Variants in MDFIC2 observed in about 807,000 individuals in gnomAD.
MDFIC2 encodes the protein MyoD family inhibitor domain containing 2.
At chr3:70,212,409 G>T (rs1701360449) in intron 2 of MDFIC2, among the ~76,000 whole-genome samples, 1 of 152,042 alleles carries the variant, frequency 6.6e-6, no homozygotes, top group African/African-American at 2.4e-5. Flanking sequence ...AGTTCAATTT[G>T]TCTTTATTGT....
chr3:70,194,698 A>G lies in MDFIC2; in HGVS notation c.*2228T>C, dbSNP rs923830752. 1.3e-5 allele frequency among the ~76,000 whole-genome samples: 2 copies of G among 152,212 alleles called. No individual in the cohort carries two copies. Among genetic ancestry groups the G allele is most frequent in the African/African-American group, 4.8e-5 (2 of 41,460 alleles). On this transcript the variant is annotated 3_prime_UTR_variant, in exon 4 of 4. Coordinates refer to ENST00000567252, the MANE Select transcript of MDFIC2 (RefSeq NM_001364677.1). The stretch of plus-strand genomic sequence containing the variant: ...TATGTCTCTAATTGACAAGCATTCA[A>G]TTCACATTTGAAATGCACAATCTTT...
intron 2 of MDFIC2, among the ~76,000 whole-genome samples, chr3:70,278,791 T>C (rs1344439541): frequency 6.6e-6 from 1 of 152,032 alleles, no homozygotes; most frequent in Non-Finnish European, 1.5e-5. Context: ...ACAAAGTCAC[T>C]TATGTTTCCT....
At chr3:70,202,166 G>T (rs1006141310) in intron 3 of MDFIC2, among the ~76,000 whole-genome samples, 62 of 152,096 alleles carry the variant, frequency 4.1e-4, no homozygotes, top group Admixed American at 1.6e-3. Context: ...TGGTCTATCT[G>T]GTAATGGTTA....
At chr3:70,302,055 A>G (rs1042278185) in intron 2 of MDFIC2, among the ~76,000 whole-genome samples, 2 of 152,120 alleles carry the variant, frequency 1.3e-5, no homozygotes, top group Non-Finnish European at 2.9e-5. Context: ...CTGATGTCTT[A>G]TTTAATACTA....
At chr3:70,247,057 CTTTAG>C (rs1402281255) in intron 2 of MDFIC2, among the ~76,000 whole-genome samples, 7 of 150,930 alleles carry the variant, frequency 4.6e-5, no homozygotes, top group African/African-American at 1.7e-4. Context: ...ATTTTTTTTT[CTTTAG>C]TTTATTTTCC....
intron 2 of MDFIC2, among the ~76,000 whole-genome samples, chr3:70,261,286 C>T (rs1701863880): frequency 6.6e-6 from 1 of 152,154 alleles, no homozygotes; most frequent in East Asian, 1.9e-4. Flanking sequence ...AGAGTTAGTG[C>T]AGTGTGGCTT....
chr3:70,210,809 C>A (rs1307890408), intron 2 of MDFIC2, among the ~76,000 whole-genome samples: 1 of 151,936 alleles, frequency 6.6e-6, no homozygotes, highest in African/African-American at 2.4e-5. Context: ...GAATGTTAAA[C>A]AGTTTGGGCT....
intron 2 of MDFIC2, 89 bp downstream of exon 2, chr3:70,311,797 C>A (rs904299328): frequency 2.5e-6 from 1 of 392,934 alleles, no homozygotes; most frequent in Non-Finnish European, 4.5e-6. Flanking sequence ...ACGGTCAGGA[C>A]AATTTCCTCC....
chr3:70,232,192 G>T (rs1701565914), intron 2 of MDFIC2, among the ~76,000 whole-genome samples: 1 of 152,142 alleles, frequency 6.6e-6, no homozygotes. Flanking sequence ...ATATTGATCT[G>T]CTCTGTGAGG....
intron 2 of MDFIC2, among the ~76,000 whole-genome samples, chr3:70,230,347 T>A (rs1575602366): frequency 6.6e-6 from 1 of 152,174 alleles, no homozygotes; most frequent in Non-Finnish European, 1.5e-5. Flanking sequence ...TGCATAGCAA[T>A]AGAAATTTTT....
intron 2 of MDFIC2, among the ~76,000 whole-genome samples, chr3:70,210,205 T>G (rs1412353246): frequency 6.6e-6 from 1 of 152,136 alleles, no homozygotes; most frequent in Non-Finnish European, 1.5e-5. Context: ...AAGTATAGCA[T>G]TTTGAATGTA....
chr3:70,214,026 G>A (rs1056803860), intron 2 of MDFIC2, among the ~76,000 whole-genome samples: 26 of 152,042 alleles, frequency 1.7e-4, no homozygotes, highest in Non-Finnish European at 3.4e-4. Flanking sequence ...GGGTAATAAA[G>A]CTGAGTGGAT....
chr3:70,203,713 G>T (rs117040528), intron 3 of MDFIC2, among the ~76,000 whole-genome samples: 1 of 151,984 alleles, frequency 6.6e-6, no homozygotes, highest in South Asian at 2.1e-4. Context: ...ATTCTTTTGA[G>T]GTATCTTGTA....
At chr3:70,272,182 T>C (rs1448922291) in intron 2 of MDFIC2, 1 of 152,200 alleles carries the variant, frequency 6.6e-6, no homozygotes, top group African/African-American at 2.4e-5. Context: ...ATGTACCCAT[T>C]CCAAATGCAT....
chr3:70,233,363 C>A (rs1277839194), intron 2 of MDFIC2, among the ~76,000 whole-genome samples: 1 of 152,186 alleles, frequency 6.6e-6, no homozygotes, highest in African/African-American at 2.4e-5. Flanking sequence ...TGACCTGTGA[C>A]AGTAAGCAAG....
chr3:70,204,281 AT>A (rs1408842795), intron 3 of MDFIC2, among the ~76,000 whole-genome samples: 13 of 152,086 alleles, frequency 8.5e-5, no homozygotes, highest in Non-Finnish European at 1.8e-4. Flanking sequence ...ATATTTCTGT[AT>A]TTATCTCAGT....
At chr3:70,258,892 AT>A (rs1701841464) in intron 2 of MDFIC2, among the ~76,000 whole-genome samples, 1 of 152,052 alleles carries the variant, frequency 6.6e-6, no homozygotes, top group Non-Finnish European at 1.5e-5. Context: ...ATTAAATTAA[AT>A]TTTTCTTCAA....
chr3:70,266,415 T>C (rs1449594871), intron 2 of MDFIC2, among the ~76,000 whole-genome samples: 1 of 151,596 alleles, frequency 6.6e-6, no homozygotes, highest in East Asian at 1.9e-4. Context: ...TATTTTTAAA[T>C]TATATTATTA....
At chr3:70,244,943 C>T (rs1701692778) in intron 2 of MDFIC2, among the ~76,000 whole-genome samples, 1 of 151,968 alleles carries the variant, frequency 6.6e-6, no homozygotes, top group South Asian at 2.1e-4. Context: ...GAATATTCCC[C>T]CAAATTATAT....
Sources: gnomAD v4.1 joint callset for allele counts (sites outside exome capture counted in the v4.1 genomes callset) on GRCh38, gnomAD v4.1.1 for gene constraint, MANE v1.5 for transcripts, NCBI Gene and HGNC (gene_info 2026-07-23, HGNC 2026-07-21) for gene names.